The following PKNOX2 variants were observed in gnomAD, a reference collection of about 807,000 sequenced individuals.
PKNOX2 encodes homeobox protein PKNOX2.
Under a neutral mutation model 53.1 loss-of-function variants are expected in PKNOX2, and 14 were observed. That is an observed-to-expected ratio of 0.26 (90% CI 0.17 to 0.41). PKNOX2 has a LOEUF of 0.41. PKNOX2 is among the 10% of genes least tolerant of loss of function. The probability of loss-of-function intolerance (pLI) is 1.00; values close to 1 mark genes in which losing one functional copy is unlikely to be tolerated. For missense variants in PKNOX2, 496 were observed against 602.8 expected (o/e 0.82, Z 1.85); for synonymous variants, 257 against 242.8 (o/e 1.06, Z -0.54).
chr11:125,309,257 C>T (rs952241554), intron 2 of PKNOX2, among the ~76,000 whole-genome samples: 13 of 150,822 alleles, frequency 8.6e-5, no homozygotes, highest in African/African-American at 3.2e-4. Context: ...TTCCTTCCAT[C>T]CTTGCACATC....
chr11:125,364,675 A>G (rs988307475), intron 4 of PKNOX2, among the ~76,000 whole-genome samples: 25 of 152,220 alleles, frequency 1.6e-4, no homozygotes, highest in African/African-American at 6.0e-4. Flanking sequence ...GCAGAAGTAC[A>G]TTCCGGAAAT....
At chr11:125,291,187 T>C (rs1156661341) in intron 2 of PKNOX2, among the ~76,000 whole-genome samples, 1 of 152,186 alleles carries the variant, frequency 6.6e-6, no homozygotes, top group African/African-American at 2.4e-5. Context: ...GGGCCTCACT[T>C]TCCTCGCATG....
chr11:125,167,798 A>T (rs1955005361), intron 1 of PKNOX2, among the ~76,000 whole-genome samples: 1 of 152,054 alleles, frequency 6.6e-6, no homozygotes, highest in Admixed American at 6.5e-5. Context: ...ACTCTTCCAA[A>T]ATGGGCCTGT....
chr11:125,330,925 T>G (rs1484529534), intron 2 of PKNOX2, among the ~76,000 whole-genome samples: 1 of 152,198 alleles, frequency 6.6e-6, no homozygotes, highest in African/African-American at 2.4e-5. Context: ...AAAGATGCAT[T>G]TACCTCTGGC....
intron 6 of PKNOX2, among the ~76,000 whole-genome samples, chr11:125,389,083 T>A (rs1383757538): frequency 6.6e-6 from 1 of 152,022 alleles, no homozygotes; most frequent in Non-Finnish European, 1.5e-5. Context: ...TAATCACAAC[T>A]CCTCAGGAGG....
chr11:125,253,767 C>T (rs1421701752), intron 2 of PKNOX2, among the ~76,000 whole-genome samples: 3 of 152,124 alleles, frequency 2.0e-5, no homozygotes, highest in African/African-American at 7.2e-5. Context: ...AGCCAGGATG[C>T]TCAGGAGGGA....
chr11:125,238,385 G>T (rs907372660), intron 2 of PKNOX2, among the ~76,000 whole-genome samples: 1 of 152,176 alleles, frequency 6.6e-6, no homozygotes, highest in Non-Finnish European at 1.5e-5. Context: ...TAAGCACTTA[G>T]GGTGCATTTT....
intron 1 of PKNOX2, among the ~76,000 whole-genome samples, chr11:125,218,712 G>A (rs1940818296): frequency 6.6e-6 from 1 of 152,078 alleles, no homozygotes; most frequent in South Asian, 2.1e-4. Flanking sequence ...GATTAGAGGG[G>A]ACCAGACCTT....
chr11:125,340,079 G>A (rs1950605893), intron 3 of PKNOX2, among the ~76,000 whole-genome samples: 1 of 152,084 alleles, frequency 6.6e-6, no homozygotes, highest in African/African-American at 2.4e-5. Context: ...AAAATAATAA[G>A]AGCAAAATGC....
intron 2 of PKNOX2, among the ~76,000 whole-genome samples, chr11:125,290,270 A>G (rs559811245): frequency 2.6e-5 from 4 of 152,206 alleles, no homozygotes; most frequent in Non-Finnish European, 5.9e-5. Flanking sequence ...AGCTCTGCCC[A>G]GCTACTGGTG....
chr11:125,232,467 G>A (rs934814338), intron 1 of PKNOX2, among the ~76,000 whole-genome samples: 1 of 152,120 alleles, frequency 6.6e-6, no homozygotes, highest in Non-Finnish European at 1.5e-5. Context: ...TTTTATACAT[G>A]AAAAACAGGC....
chr11:125,330,695 CACACATACACAT>C (rs1351139703), intron 2 of PKNOX2, among the ~76,000 whole-genome samples: 1 of 152,060 alleles, frequency 6.6e-6, no homozygotes, highest in African/African-American at 2.4e-5. Context: ...CACACACAAA[CACACATACACAT>C]ACACACACAC....
chr11:125,319,738 T>C (rs1387104676), intron 2 of PKNOX2, among the ~76,000 whole-genome samples: 1 of 152,242 alleles, frequency 6.6e-6, no homozygotes. Context: ...GTAGCTCCCC[T>C]GAGGAAGTGA....
chr11:125,183,524 T>C (rs1035389348), intron 1 of PKNOX2, among the ~76,000 whole-genome samples: 2 of 152,190 alleles, frequency 1.3e-5, no homozygotes, highest in African/African-American at 4.8e-5. Flanking sequence ...TTGTGGATCG[T>C]TGGTGACACA....
intron 7 of PKNOX2, among the ~76,000 whole-genome samples, chr11:125,407,228 C>G (rs2135520314): frequency 6.6e-6 from 1 of 152,256 alleles, no homozygotes; most frequent in African/African-American, 2.4e-5. Flanking sequence ...ATAAATTGCC[C>G]TTAGTTACCC....
rs188867967 is a variant in PKNOX2 at position 125,268,411 on chromosome 11, C to T, written c.-130+33296C>T. Reference sequence around the variant, plus strand: ...TGAAGGCTGATAACAGCTCCTTGACCGCTTCACAGGACTCTGGGGTCAAAC... The same window carrying T: ...TGAAGGCTGATAACAGCTCCTTGACTGCTTCACAGGACTCTGGGGTCAAAC... On this transcript the variant is annotated intron_variant, in intron 2 of 12. Transcript: ENST00000298282. Among the ~76,000 whole-genome samples, 47 of 152,310 alleles carry T rather than the reference C, an allele frequency of 3.1e-4. 1 individual carries two copies. The highest frequency in any genetic ancestry group is 8.5e-4 in the Admixed American group (13 of 15,310).
chr11:125,312,738 C>T (rs1035681891), intron 2 of PKNOX2, among the ~76,000 whole-genome samples: 3 of 152,128 alleles, frequency 2.0e-5, no homozygotes, highest in Admixed American at 6.5e-5. Context: ...GCCAATTCAG[C>T]GGGCTCAGCA....
intron 3 of PKNOX2, among the ~76,000 whole-genome samples, chr11:125,334,899 C>T (rs57821865): frequency 0.083 from 12,643 of 152,150 alleles, 882 homozygotes; most frequent in African/African-American, 0.19. Flanking sequence ...CCACTGCGCC[C>T]AGACACTTAA....
chr11:125,239,270 C>T (rs568598886), intron 2 of PKNOX2, among the ~76,000 whole-genome samples: 9 of 152,152 alleles, frequency 5.9e-5, no homozygotes, highest in Non-Finnish European at 1.2e-4. Context: ...AATAAAGAGG[C>T]AAAACACTAG....
Sources: gnomAD v4.1 joint callset for allele counts (sites outside exome capture counted in the v4.1 genomes callset) on GRCh38, gnomAD v4.1.1 for gene constraint, MANE v1.5 for transcripts, NCBI Gene and HGNC (gene_info 2026-07-23, HGNC 2026-07-21) for gene names.